CIB4: variants seen among roughly 807,000 people sequenced by gnomAD.
CIB4 encodes the protein calcium and integrin-binding family member 4.
A neutral mutation model predicts 25.8 loss-of-function variants in CIB4; 25 were observed. The observed-to-expected ratio is 0.97, with a 90% confidence interval of 0.71 to 1.35. The LOEUF (loss-of-function observed/expected upper bound fraction) is 1.35. Ranked by LOEUF, CIB4 falls within the 40% of genes most tolerant of loss-of-function variation. The probability of loss-of-function intolerance (pLI) is 0.00; values close to 1 mark genes in which losing one functional copy is unlikely to be tolerated. For synonymous variants in CIB4, 75 were observed against 81.4 expected (o/e 0.92, Z 0.42); for missense variants, 235 against 228.2 (o/e 1.03, Z -0.19).
chr2:26,604,800 C>T lies in CIB4; in HGVS notation c.187-9483G>A, dbSNP rs369255373. On this transcript the variant is annotated intron_variant, in intron 3 of 6. Transcript: ENST00000288861. ...AGGGTTTTTCCCCTCATTTTGAATCCTTTTCAAGAAGACAAATTCACAATT... is the reference window on the plus strand; with the variant it reads ...AGGGTTTTTCCCCTCATTTTGAATCTTTTTCAAGAAGACAAATTCACAATT... Among the ~76,000 whole-genome samples, 111 of 152,158 alleles carry T rather than the reference C, an allele frequency of 7.3e-4. 4 individuals are homozygous for T. In the South Asian group the frequency reaches 0.016, roughly 22 times the overall value.
At chr2:26,596,640 G>A (rs759335473) in intron 3 of CIB4, among the ~76,000 whole-genome samples, 2 of 151,908 alleles carry the variant, frequency 1.3e-5, no homozygotes, top group East Asian at 1.9e-4. Flanking sequence ...CCAGCTACTC[G>A]GGAGGCTGAG....
At chr2:26,596,616 G>A (rs1334031498) in intron 3 of CIB4, among the ~76,000 whole-genome samples, 6 of 151,810 alleles carry the variant, frequency 4.0e-5, no homozygotes, top group African/African-American at 9.7e-5. Context: ...GCGTGGTCGC[G>A]CATGCCTGTA....
At chr2:26,592,475 C>G (rs1299674205) in intron 4 of CIB4, among the ~76,000 whole-genome samples, 1 of 152,218 alleles carries the variant, frequency 6.6e-6, no homozygotes, top group East Asian at 1.9e-4. Flanking sequence ...GCTTGGAGTT[C>G]ACTGTAAATC....
At chr2:26,582,202 C>T (rs1025057562) in intron 6 of CIB4, among the ~76,000 whole-genome samples, 3 of 152,170 alleles carry the variant, frequency 2.0e-5, no homozygotes, top group Admixed American at 1.3e-4. Flanking sequence ...GGGGCAGAGT[C>T]GGACCCAGGA....
chr2:26,612,151 C>A (rs1174434914), intron 3 of CIB4, among the ~76,000 whole-genome samples: 1 of 152,198 alleles, frequency 6.6e-6, no homozygotes, highest in Non-Finnish European at 1.5e-5. Context: ...TTCTGCTTCA[C>A]TCTCTGCAGG....
intron 3 of CIB4, among the ~76,000 whole-genome samples, chr2:26,596,433 T>A (rs72817139): frequency 0.11 from 16,520 of 152,022 alleles, 996 homozygotes; most frequent in Middle Eastern, 0.17. Flanking sequence ...GGTTCTTTTT[T>A]AAAAAAGAGT....
intron 2 of CIB4, among the ~76,000 whole-genome samples, chr2:26,632,810 C>T (rs1669448920): frequency 6.6e-6 from 1 of 151,562 alleles, no homozygotes; most frequent in Non-Finnish European, 1.5e-5. Flanking sequence ...TGGGAGTGGC[C>T]GGCTCCAGTC....
intron 3 of CIB4, among the ~76,000 whole-genome samples, chr2:26,595,757 G>GCATA (rs1485200402): frequency 2.0e-5 from 3 of 152,232 alleles, no homozygotes; most frequent in Admixed American, 2.0e-4. Flanking sequence ...CTGCCCAAGC[G>GCATA]CATAGCCAGC....
intron 3 of CIB4, among the ~76,000 whole-genome samples, chr2:26,595,823 G>T (rs1280922692): frequency 6.6e-6 from 1 of 152,194 alleles, no homozygotes; most frequent in Non-Finnish European, 1.5e-5. Flanking sequence ...GTCTTTGCTA[G>T]TAGTGATGGG....
intron 3 of CIB4, among the ~76,000 whole-genome samples, chr2:26,603,211 A>C (rs1331879869): frequency 2.0e-5 from 3 of 152,170 alleles, no homozygotes; most frequent in Non-Finnish European, 4.4e-5. Flanking sequence ...AGCGAGACTG[A>C]GAAACTATCA....
chr2:26,634,908 C>A (rs1669502253), intron 2 of CIB4, among the ~76,000 whole-genome samples: 1 of 152,230 alleles, frequency 6.6e-6, no homozygotes, highest in Non-Finnish European at 1.5e-5. Context: ...GCAGAGTAGT[C>A]CGAAGAGCTC....
chr2:26,624,328 G>A (rs1025441963), intron 3 of CIB4, among the ~76,000 whole-genome samples: 1 of 152,142 alleles, frequency 6.6e-6, no homozygotes, highest in Non-Finnish European at 1.5e-5. Flanking sequence ...AGGCACAGCC[G>A]GGCCCCCACC....
intron 3 of CIB4, among the ~76,000 whole-genome samples, chr2:26,615,983 G>A (rs1434779208): frequency 3.3e-5 from 5 of 152,328 alleles, no homozygotes; most frequent in South Asian, 2.1e-4. Context: ...ATCAGGCGTC[G>A]GGACCCTCCC....
intron 2 of CIB4, among the ~76,000 whole-genome samples, chr2:26,637,015 G>A (rs558708637): frequency 2.0e-5 from 3 of 152,210 alleles, no homozygotes; most frequent in African/African-American, 7.2e-5. Flanking sequence ...TCTACTTACA[G>A]GGAGGCTCTA....
intron 3 of CIB4, among the ~76,000 whole-genome samples, 188 bp downstream of exon 3, chr2:26,629,222 T>A (rs1414716600): frequency 6.6e-6 from 1 of 152,074 alleles, no homozygotes; most frequent in African/African-American, 2.4e-5. Context: ...GGAGGCCAGA[T>A]GCATGCAGGA....
chr2:26,607,158 C>T (rs371623362), intron 3 of CIB4, among the ~76,000 whole-genome samples: 2 of 152,096 alleles, frequency 1.3e-5, no homozygotes, highest in Non-Finnish European at 1.5e-5. Flanking sequence ...CCTGGTCTTG[C>T]GTTGTGGGAG....
chr2:26,590,654 G>A (rs911344402), intron 4 of CIB4, among the ~76,000 whole-genome samples: 31 of 152,204 alleles, frequency 2.0e-4, no homozygotes, highest in Middle Eastern at 6.8e-3. Flanking sequence ...CAGGATCCAC[G>A]TGTCCCATCT....
chr2:26,610,373 C>G (rs1380797234), intron 3 of CIB4, among the ~76,000 whole-genome samples: 1 of 152,264 alleles, frequency 6.6e-6, no homozygotes, highest in Non-Finnish European at 1.5e-5. Flanking sequence ...GCCTCTCCCC[C>G]TGCCCACCCA....
At chr2:26,615,099 C>G (rs1669066408) in intron 3 of CIB4, among the ~76,000 whole-genome samples, 1 of 152,198 alleles carries the variant, frequency 6.6e-6, no homozygotes, top group South Asian at 2.1e-4. Flanking sequence ...ACCAGACTAG[C>G]TGGGTGACTG....
Sources: gnomAD v4.1 joint callset for allele counts (sites outside exome capture counted in the v4.1 genomes callset) on GRCh38, gnomAD v4.1.1 for gene constraint, MANE v1.5 for transcripts, NCBI Gene and HGNC (gene_info 2026-07-23, HGNC 2026-07-21) for gene names.